The following IL7R variants were observed in gnomAD, a reference collection of about 807,000 sequenced individuals.
IL7R encodes interleukin 7 receptor.
In IL7R, 38 loss-of-function variants were observed where a neutral mutation model predicts 47.0. The observed-to-expected ratio is 0.81, with a 90% CI of 0.62 to 1.06. The LOEUF is 1.06. Among genes scored for constraint, IL7R ranks in the 50% least tolerant of loss-of-function variants. The pLI, the probability that IL7R is intolerant of heterozygous loss-of-function variation, is 0.00. For synonymous variants in IL7R, 221 were observed against 199.8 expected, an observed-to-expected ratio of 1.11 and a Z score of -0.89; for missense variants, 633 against 534.8, an observed-to-expected ratio of 1.18 and a Z score of -1.81.
intron 3 of IL7R, among the ~76,000 whole-genome samples, chr5:35,870,239 A>G (rs1760035048): frequency 6.6e-6 from 1 of 152,214 alleles, no homozygotes; most frequent in South Asian, 2.1e-4. Context: ...CTGAAATAAT[A>G]CCAATCTCCC....
chr5:35,859,392 TA>T lies in IL7R; in HGVS notation c.83-1459del, dbSNP rs202066765. 7.9e-5 allele frequency among the ~76,000 whole-genome samples: 12 copies of T among 152,332 alleles called. No homozygotes were observed. In the East Asian group the frequency reaches 2.3e-3, roughly 29 times the overall value. On this transcript the variant is annotated intron_variant, in intron 1 of 7. Coordinates refer to ENST00000303115, the MANE Select transcript of IL7R (RefSeq NM_002185.5). ...GTCAGAACCACTGCATTTAGAAAGCTACCACTGCACAGGGAAGAAATCTAAG... is the reference window on the plus strand; with the variant it reads ...GTCAGAACCACTGCATTTAGAAAGCTCCACTGCACAGGGAAGAAATCTAAG...
chr5:35,874,407 A>C, intron 5 of IL7R, 42 bp from the exon 6 acceptor site: 2 of 1,329,200 alleles, frequency 1.5e-6, no homozygotes, highest in African/African-American at 1.4e-5. Context: ...CCCCCACTGC[A>C]TGGCTACTGA....
intron 2 of IL7R, among the ~76,000 whole-genome samples, chr5:35,863,083 C>A (rs915157368): frequency 5.4e-4 from 82 of 151,990 alleles, no homozygotes; most frequent in African/African-American, 1.8e-3. Flanking sequence ...AGGAACACAA[C>A]TCCCTAGTAA....
At chr5:35,864,652 T>C (rs1045983751) in intron 2 of IL7R, among the ~76,000 whole-genome samples, 1 of 152,162 alleles carries the variant, frequency 6.6e-6, no homozygotes, top group African/African-American at 2.4e-5. Flanking sequence ...TTAAAAGCAC[T>C]GAGTTATTTG....
At chr5:35,869,809 C>T (rs1013107021) in intron 3 of IL7R, among the ~76,000 whole-genome samples, 1 of 152,184 alleles carries the variant, frequency 6.6e-6, no homozygotes, top group Non-Finnish European at 1.5e-5. Flanking sequence ...TCCTGCTTCC[C>T]TCTAAGTCCA....
At chr5:35,875,042 C>A (rs768863493) in intron 6 of IL7R, among the ~76,000 whole-genome samples, 3 of 152,186 alleles carry the variant, frequency 2.0e-5, no homozygotes, top group Non-Finnish European at 2.9e-5. Flanking sequence ...TTGAAAAGTA[C>A]TGCCTGGAAA....
Position 35,878,949 on chromosome 5 carries a change from G to A in IL7R, c.*2463G>A. On this transcript the variant is annotated 3_prime_UTR_variant, in exon 8 of 8. Coordinates refer to ENST00000303115, the MANE Select transcript of IL7R (RefSeq NM_002185.5). The stretch of plus-strand genomic sequence containing the variant: ...AGTGTCTGAGCCTCTGTCTGTTACT[G>A]TAGTATTTAAAATGCATGTATTATA... 4.3e-6 allele frequency: 1 copy of A among 232,802 alleles called. No individual in the cohort carries two copies. 14.4% of individuals were successfully genotyped at this position (232,802 alleles called of 1,614,324 possible).
intron 2 of IL7R, among the ~76,000 whole-genome samples, chr5:35,866,901 C>A (rs1231696314): frequency 1.3e-5 from 2 of 151,892 alleles, no homozygotes; most frequent in African/African-American, 4.8e-5. Context: ...TTATCATTTT[C>A]TTTAACACTT....
intron 3 of IL7R, among the ~76,000 whole-genome samples, chr5:35,869,343 G>A (rs892333279): frequency 1.2e-4 from 19 of 152,154 alleles, no homozygotes; most frequent in African/African-American, 3.9e-4. Context: ...AGTATTGCTT[G>A]ATGAATGAGC....
intron 7 of IL7R, 164 bp downstream of exon 7, chr5:35,875,751 G>A (rs1378179874): frequency 1.3e-6 from 1 of 768,680 alleles, no homozygotes; most frequent in Non-Finnish European, 2.3e-6. Flanking sequence ...ACTGAAATAA[G>A]ATACACATCT....
At chr5:35,867,573 T>C (rs1243616307) in intron 3 of IL7R, 110 bp downstream of exon 3, 9 of 823,588 alleles carry the variant, frequency 1.1e-5, no homozygotes, top group Admixed American at 3.7e-5. Flanking sequence ...CAACTGGCAA[T>C]AGATAATAGC....
At chr5:35,873,775 C>T (rs1760135700) in intron 5 of IL7R, 127 bp downstream of exon 5, 1 of 850,724 alleles carries the variant, frequency 1.2e-6, no homozygotes, top group Admixed American at 1.8e-5. Flanking sequence ...CACTCTTACA[C>T]TTTCTTTGGA....
chr5:35,867,684 A>T (rs1759973528), intron 3 of IL7R: 9 of 631,492 alleles, frequency 1.4e-5, no homozygotes, highest in Non-Finnish European at 2.5e-5. Context: ...GGTGTGAAAG[A>T]TAGTGTTTGT....
intron 1 of IL7R, among the ~76,000 whole-genome samples, chr5:35,860,315 AG>A (rs1014948291): frequency 1.3e-5 from 2 of 152,176 alleles, no homozygotes; most frequent in African/African-American, 4.8e-5. Context: ...GGCAAGGGAA[AG>A]TGACCTCTTA....
In IL7R at chr5:35,867,954, C is replaced by G. The variant is rs1494557; in HGVS notation, c.379+491C>G. ...TCAATAGGAGGATAGATAGATAGATCATTGATAGGAGAGATTTCTATTAAG... is the reference window on the plus strand; with the variant it reads ...TCAATAGGAGGATAGATAGATAGATGATTGATAGGAGAGATTTCTATTAAG... On this transcript the variant is annotated intron_variant, in intron 3 of 7. Transcript: ENST00000303115. 0.71 allele frequency among the ~76,000 whole-genome samples: 108,644 copies of G among 152,152 alleles called. 39,821 individuals are homozygous for G. The highest frequency in any genetic ancestry group is 0.87 in the African/African-American group (36,251 of 41,528).
Position 35,867,479 on chromosome 5 carries a change from T to C in IL7R, c.379+16T>C, listed in dbSNP as rs756545602. The C allele has an allele frequency of 2.5e-6, 4 of 1,608,146 alleles. No individual in the cohort carries two copies. The highest frequency in any genetic ancestry group is 2.2e-5 in the East Asian group (1 of 44,840). On this transcript the variant is annotated intron_variant, in intron 3 of 7. Transcript: ENST00000303115. ...ACCACTATAGGTAAGAAGTTGTATA[T>C]AAAAGTATGGTTGTCACTTTTGGGC...
intron 4 of IL7R, among the ~76,000 whole-genome samples, chr5:35,872,292 G>A (rs958968363): frequency 3.9e-5 from 6 of 152,084 alleles, no homozygotes; most frequent in Admixed American, 6.6e-5. Flanking sequence ...TCCGCCTCCC[G>A]GGTTCAAGCA....
At position 35,874,437 on chromosome 5, in the gene IL7R, C is replaced by T; in HGVS notation, c.707-12C>T. 1.3e-6 allele frequency: 2 copies of T among 1,583,274 alleles called. No individual in the cohort carries two copies. Among genetic ancestry groups the T allele is most frequent in the South Asian group, 1.1e-5 (1 of 90,472 alleles). ...TACTGAATGCTCACCACAATCTATT[C>T]TTGCTTTCCAGGGGAGATGGATCCT... On this transcript the variant is annotated splice_polypyrimidine_tract_variant and intron_variant, in intron 5 of 7. Coordinates refer to ENST00000303115, the MANE Select transcript of IL7R (RefSeq NM_002185.5).
intron 1 of IL7R, among the ~76,000 whole-genome samples, chr5:35,857,954 G>A (rs1759700313): frequency 6.6e-6 from 1 of 152,194 alleles, no homozygotes; most frequent in South Asian, 2.1e-4. Flanking sequence ...TTTGAGTCAT[G>A]TAATTACGAA....
Sources: allele counts gnomAD v4.1 joint callset (sites outside exome capture counted in the v4.1 genomes callset), GRCh38; gene constraint gnomAD v4.1.1; transcripts MANE v1.5; gene names NCBI Gene and HGNC (gene_info 2026-07-23, HGNC 2026-07-21).